The following PDE4B variants were observed in gnomAD, a reference collection of about 807,000 sequenced individuals.
PDE4B encodes the protein phosphodiesterase 4B.
In PDE4B, 20 loss-of-function variants were observed where a neutral mutation model predicts 82.2. The ratio of observed to expected loss-of-function variants is 0.24; its 90% confidence interval spans 0.17 to 0.35. The LOEUF is 0.35. Ranked by LOEUF, PDE4B falls within the 10% of genes least tolerant of loss-of-function variation. The pLI is 1.00. For synonymous variants in PDE4B, 320 were observed against 318.9 expected (o/e 1.00, Z -0.04); for missense variants, 655 against 907.2 (o/e 0.72, Z 3.57).
At chr1:65,965,475 G>T (rs1046968937) in intron 3 of PDE4B, among the ~76,000 whole-genome samples, 3 of 151,382 alleles carry the variant, frequency 2.0e-5, no homozygotes, top group Non-Finnish European at 2.9e-5. Flanking sequence ...ACTTTCATAG[G>T]TTTAAATATT....
chr1:65,897,966 C>T (rs1646929254), intron 1 of PDE4B, among the ~76,000 whole-genome samples: 1 of 151,910 alleles, frequency 6.6e-6, no homozygotes, highest in Admixed American at 6.6e-5. Context: ...GTATATAAGC[C>T]TTCCCTTTTC....
chr1:66,165,515 T>TA (rs201763186), intron 3 of PDE4B, among the ~76,000 whole-genome samples: 12 of 150,416 alleles, frequency 8.0e-5, no homozygotes, highest in South Asian at 6.3e-4. Context: ...ATACACAAAC[T>TA]AAAAAAAAAC....
rs12042473 is a variant in PDE4B at position 66,194,839 on chromosome 1, A to G, written c.282-52621A>G. ...GTATCTCTAGGGCCTTCCCCAATTC[A>G]TAACAGAGATTAACACTCACTTATG... On this transcript the variant is annotated intron_variant, in intron 3 of 16. Transcript: ENST00000341517. Among the ~76,000 whole-genome samples, 2,385 of 152,212 alleles carry G rather than the reference A, an allele frequency of 0.016. 118 individuals are homozygous for G. In the East Asian group the frequency reaches 0.18, roughly 12 times the overall value.
intron 3 of PDE4B, among the ~76,000 whole-genome samples, chr1:66,155,861 A>G (rs1646493191): frequency 6.6e-6 from 1 of 152,198 alleles, no homozygotes. Context: ...ACTGACATTT[A>G]TCATCTAAAT....
chr1:65,915,415 A>C (rs1450383727), intron 2 of PDE4B, among the ~76,000 whole-genome samples: 1 of 152,178 alleles, frequency 6.6e-6, no homozygotes, highest in African/African-American at 2.4e-5. Flanking sequence ...AGACTTAAAA[A>C]ATTATGTCCT....
At chr1:65,897,029 A>AT (rs2100406887) in intron 1 of PDE4B, among the ~76,000 whole-genome samples, 1 of 152,306 alleles carries the variant, frequency 6.6e-6, no homozygotes, top group Non-Finnish European at 1.5e-5. Context: ...TCAGCAAAGT[A>AT]TTTAATAAGG....
intron 1 of PDE4B, among the ~76,000 whole-genome samples, chr1:65,887,886 C>G (rs1183841401): frequency 6.6e-6 from 1 of 152,020 alleles, no homozygotes; most frequent in African/African-American, 2.4e-5. Context: ...TAGATTATTC[C>G]AGTCAACAGA....
intron 1 of PDE4B, among the ~76,000 whole-genome samples, chr1:65,895,625 C>T (rs942393849): frequency 6.7e-6 from 1 of 149,880 alleles, no homozygotes; most frequent in African/African-American, 2.5e-5. Flanking sequence ...GACCGTGTTT[C>T]TCACCACACA....
chr1:65,844,534 G>A (rs1646246790), intron 1 of PDE4B, among the ~76,000 whole-genome samples: 1 of 151,956 alleles, frequency 6.6e-6, no homozygotes, highest in African/African-American at 2.4e-5. Flanking sequence ...ATAACTTACT[G>A]CCTTATTTTG....
intron 2 of PDE4B, among the ~76,000 whole-genome samples, chr1:65,917,406 A>G (rs1207291283): frequency 6.6e-6 from 1 of 152,218 alleles, no homozygotes; most frequent in African/African-American, 2.4e-5. Context: ...GAGAGACTGT[A>G]GCCTGATGCT....
chr1:66,150,401 A>T (rs895097709), intron 3 of PDE4B, among the ~76,000 whole-genome samples: 1 of 152,308 alleles, frequency 6.6e-6, no homozygotes, highest in East Asian at 1.9e-4. Context: ...CTGCAACCTT[A>T]CTGAAGTCAT....
chr1:65,918,542 C>T, intron 2 of PDE4B, 55 bp from the exon 3 acceptor site: 1 of 1,035,858 alleles, frequency 9.7e-7, no homozygotes, highest in Non-Finnish European at 1.5e-6. Flanking sequence ...CTCCATTTAA[C>T]ATTTGAATTT....
intron 3 of PDE4B, among the ~76,000 whole-genome samples, chr1:66,153,733 T>G (rs1316812580): frequency 1.3e-5 from 2 of 152,174 alleles, no homozygotes; most frequent in African/African-American, 4.8e-5. Context: ...GCTGTAGAAG[T>G]GCAGTCACTT....
chr1:66,284,375 A>T (rs950643879), intron 7 of PDE4B, among the ~76,000 whole-genome samples: 1 of 152,200 alleles, frequency 6.6e-6, no homozygotes, highest in African/African-American at 2.4e-5. Flanking sequence ...CTACATATTA[A>T]TTCTGACCAT....
At chr1:65,870,440 A>G (rs1397525149) in intron 1 of PDE4B, among the ~76,000 whole-genome samples, 2 of 152,300 alleles carry the variant, frequency 1.3e-5, no homozygotes, top group East Asian at 3.9e-4. Flanking sequence ...CAAAATTTTA[A>G]AGAATAGGAA....
At chr1:66,067,326 T>C (rs1430183724) in intron 3 of PDE4B, among the ~76,000 whole-genome samples, 1 of 152,134 alleles carries the variant, frequency 6.6e-6, no homozygotes, top group East Asian at 1.9e-4. Context: ...GTGTTCCTAT[T>C]TCTCCACATC....
At chr1:66,323,304 A>G (rs921930377) in intron 7 of PDE4B, among the ~76,000 whole-genome samples, 1 of 152,036 alleles carries the variant, frequency 6.6e-6, no homozygotes, top group Non-Finnish European at 1.5e-5. Flanking sequence ...ATTCCTCAAA[A>G]TCTCATAACT....
intron 3 of PDE4B, among the ~76,000 whole-genome samples, chr1:65,932,556 C>G (rs1647898275): frequency 6.6e-6 from 1 of 151,594 alleles, no homozygotes; most frequent in Non-Finnish European, 1.5e-5. Flanking sequence ...CACAAAGAGT[C>G]AAGGAAAATA....
intron 1 of PDE4B, among the ~76,000 whole-genome samples, chr1:65,807,877 T>C (rs1306474417): frequency 6.6e-6 from 1 of 152,214 alleles, no homozygotes; most frequent in African/African-American, 2.4e-5. Flanking sequence ...TAGTTACTGC[T>C]TTGGAGACCT....
Sources: allele counts gnomAD v4.1 joint callset (sites outside exome capture counted in the v4.1 genomes callset), GRCh38; gene constraint gnomAD v4.1.1; transcripts MANE v1.5; gene names NCBI Gene and HGNC (gene_info 2026-07-23, HGNC 2026-07-21).